The following SLC35A5 variants were observed in gnomAD, a reference collection of about 807,000 sequenced individuals.
SLC35A5 encodes the protein UDP-sugar transporter protein SLC35A5.
SLC35A5 carries 28 observed loss-of-function variants against 36.3 expected under a neutral mutation model. That is an observed-to-expected ratio of 0.77 (90% CI 0.57 to 1.06). The LOEUF (loss-of-function observed/expected upper bound fraction) is 1.06, where lower values mean the gene tolerates loss of function less well. Among genes scored for constraint, SLC35A5 ranks in the 50% least tolerant of loss-of-function variants. The pLI, the probability that SLC35A5 is intolerant of heterozygous loss-of-function variation, is 0.00. For synonymous variants in SLC35A5, 180 were observed against 173.7 expected, an observed-to-expected ratio of 1.04 and a Z score of -0.29; for missense variants, 521 against 499.3, an observed-to-expected ratio of 1.04 and a Z score of -0.41.
Position 112,563,424 on chromosome 3 carries a change from T to G in SLC35A5, c.21T>G (p.Ser7Arg). 6.3e-7 allele frequency: 1 copy of G among 1,575,742 alleles called. No individual in the cohort carries two copies. Among genetic ancestry groups the G allele is most frequent in the Non-Finnish European group, 8.7e-7 (1 of 1,151,776 alleles). ...GTGGAATGGAAAAACAGTGCTGTAG[T>G]CATCCTGTAATATGCTCCTTGTCAA... Reference protein sequence around the residue: MEKQCCSHPVICSLSTM... With the variant: MEKQCCRHPVICSLSTM... Residue 7 changes from serine to arginine, a missense_variant, in exon 2 of 7, where the codon AGT (serine) becomes AGG (arginine). Coordinates refer to ENST00000492406, the MANE Select transcript of SLC35A5 (RefSeq NM_017945.5).
intron 5 of SLC35A5, among the ~76,000 whole-genome samples, chr3:112,577,139 A>G (rs1341571314): frequency 6.6e-6 from 1 of 152,016 alleles, no homozygotes; most frequent in Non-Finnish European, 1.5e-5. Context: ...ATATGAGGCT[A>G]CAAAAGCAGG....
At chr3:112,571,276 G>C (rs150986166) in intron 4 of SLC35A5, among the ~76,000 whole-genome samples, 1 of 152,256 alleles carries the variant, frequency 6.6e-6, no homozygotes, top group East Asian at 1.9e-4. Context: ...TTAGTAATCC[G>C]AGCTGGAGTT....
In SLC35A5 at chr3:112,580,885, A is replaced by G. The variant is rs2292442; in HGVS notation, c.768A>G (p.Glu256=). The G allele has an allele frequency of 0.059, 95,686 of 1,614,004 alleles. 10,747 individuals are homozygous for G. The highest frequency in any genetic ancestry group is 0.46 in the African/African-American group (34,486 of 74,956). The change falls in exon 6 of 7, where the codon GAA becomes GAG. Residue 256 remains glutamate, a synonymous_variant. Coordinates refer to ENST00000492406, the MANE Select transcript of SLC35A5 (RefSeq NM_017945.5). ...ANIYNEKILK[E]GNQLTESIFI... ...TCTATAATGAAAAGATACTGAAGGA[A>G]GGGAACCAGCTCACTGAAAGCATCT...
chr3:112,568,354 G>A (rs538707388), intron 2 of SLC35A5, among the ~76,000 whole-genome samples: 1 of 152,338 alleles, frequency 6.6e-6, no homozygotes, highest in South Asian at 2.1e-4. Flanking sequence ...CAAAAGTGGG[G>A]AAAATGCATT....
Position 112,563,442 on chromosome 3 carries a change from C to G in SLC35A5, c.39C>G (p.Ser13=), listed in dbSNP as rs377335674. ...KQCCSHPVIC[S]LSTMYTFLLG... ...GCTGTAGTCATCCTGTAATATGCTC[C>G]TTGTCAACAATGTATACATTCCTGC... The change falls in exon 2 of 7, where the codon TCC becomes TCG. Residue 13 remains serine, a synonymous_variant. Transcript: ENST00000492406. 3 of 1,592,472 alleles carry G rather than the reference C, an allele frequency of 1.9e-6. No individual in the cohort carries two copies. The African/African-American group carries it at 4.0e-5, about 21-fold the overall frequency.
At chr3:112,573,763 G>C in intron 4 of SLC35A5, 126 bp from the exon 5 acceptor site, 1 of 693,332 alleles carries the variant, frequency 1.4e-6, no homozygotes, top group Non-Finnish European at 2.6e-6. Context: ...AGTTGAAATT[G>C]CTACCTTAAT....
upstream of SLC35A5, chr3:112,561,745 C>A: frequency 1.8e-6 from 1 of 549,900 alleles, no homozygotes; most frequent in East Asian, 3.4e-5. Context: ...TCCTCGCACC[C>A]CAGGCAGCCC....
intron 4 of SLC35A5, among the ~76,000 whole-genome samples, chr3:112,573,591 G>C (rs728568): frequency 0.16 from 24,425 of 152,218 alleles, 4,620 homozygotes; most frequent in African/African-American, 0.45. Context: ...TGAAAAGTAG[G>C]CTTCATAAGC....
At chr3:112,572,318 AAATAAT>A (rs751918634) in intron 4 of SLC35A5, among the ~76,000 whole-genome samples, 4 of 151,498 alleles carry the variant, frequency 2.6e-5, no homozygotes, top group East Asian at 1.9e-4. Context: ...TCTATGAAAT[AAATAAT>A]AATAATAATA....
intron 3 of SLC35A5, among the ~76,000 whole-genome samples, chr3:112,569,730 A>G (rs1416799809): frequency 1.3e-5 from 2 of 152,226 alleles, no homozygotes; most frequent in Admixed American, 1.3e-4. Flanking sequence ...ACATAGGGAT[A>G]CTAATTCCTT....
intron 5 of SLC35A5, among the ~76,000 whole-genome samples, chr3:112,579,277 G>C (rs1934794785): frequency 6.6e-6 from 1 of 152,118 alleles, no homozygotes; most frequent in African/African-American, 2.4e-5. Context: ...TAGGTTAACT[G>C]TTTCCTCCCT....
rs774176559 is a variant in SLC35A5, at chr3:112,573,943, A to G, written c.415A>G (p.Arg139Gly). The G allele has an allele frequency of 3.1e-6, 5 of 1,612,846 alleles. No homozygotes were observed. The Admixed American group carries it at 8.3e-5, about 27-fold the overall frequency. Residue 139 changes from arginine (R) to glycine (G), a missense_variant, in exon 5 of 7, where the codon AGG becomes GGG. Coordinates refer to ENST00000492406, the MANE Select transcript of SLC35A5 (RefSeq NM_017945.5). ...CATTATAACAACAGCTCTTCTATTC[A>G]GGATAGTGCTGAAGTAAGTAACTTG... ...FSIITTALLF[R>G]IVLKRRLNWI...
chr3:112,567,032 C>T (rs1410512594), intron 2 of SLC35A5, among the ~76,000 whole-genome samples: 3 of 151,960 alleles, frequency 2.0e-5, no homozygotes, highest in African/African-American at 7.2e-5. Context: ...CAAGACCATC[C>T]TGGCTAACAC....
rs1039147422 is a variant in SLC35A5, at chr3:112,585,024, G to C, written c.*2288G>C. ...GACACAGGATTCCAAAGTGAGAAGG[G>C]TGGTGTATTAGTCCATTCTCATGCT... On this transcript the variant is annotated 3_prime_UTR_variant, in exon 7 of 7. Coordinates refer to ENST00000492406, the MANE Select transcript of SLC35A5 (RefSeq NM_017945.5). 1.3e-5 allele frequency: 2 copies of C among 152,146 alleles called. No individual in the cohort carries two copies. Among genetic ancestry groups the C allele is most frequent in the Non-Finnish European group, 2.9e-5 (2 of 68,032 alleles). The allele number at this position is 152,146 out of a possible 1,614,324, so 9.4% of individuals were successfully genotyped here. A position where few individuals can be genotyped will look rare whatever the true frequency, so the allele number is the denominator to read the frequency against.
chr3:112,567,947 A>G (rs1559856838), intron 2 of SLC35A5, among the ~76,000 whole-genome samples: 1 of 152,242 alleles, frequency 6.6e-6, no homozygotes, highest in Non-Finnish European at 1.5e-5. Flanking sequence ...AGTTAAGTCT[A>G]GCATTTAACT....
At chr3:112,567,450 G>C (rs1462619518) in intron 2 of SLC35A5, among the ~76,000 whole-genome samples, 1 of 151,940 alleles carries the variant, frequency 6.6e-6, no homozygotes, top group Non-Finnish European at 1.5e-5. Context: ...GTGCCACCAT[G>C]CTCAGCTATT....
chr3:112,572,507 A>G (rs1934492507), intron 4 of SLC35A5, among the ~76,000 whole-genome samples: 1 of 152,064 alleles, frequency 6.6e-6, no homozygotes, highest in Non-Finnish European at 1.5e-5. Context: ...AATTCAATAC[A>G]TTTTATTGTA....
At chr3:112,579,324 A>G (rs1045194095) in intron 5 of SLC35A5, among the ~76,000 whole-genome samples, 9 of 152,044 alleles carry the variant, frequency 5.9e-5, no homozygotes, top group African/African-American at 1.4e-4. Context: ...TAGGTGCTCA[A>G]TAAATGCTCC....
intron 2 of SLC35A5, among the ~76,000 whole-genome samples, chr3:112,568,168 A>G (rs1273543792): frequency 6.6e-6 from 1 of 152,256 alleles, no homozygotes; most frequent in Non-Finnish European, 1.5e-5. Flanking sequence ...GTTTAGAGGT[A>G]GTGCTATAAG....
Sources: gnomAD v4.1 joint callset for allele counts (sites outside exome capture counted in the v4.1 genomes callset) on GRCh38, gnomAD v4.1.1 for gene constraint, MANE v1.5 for transcripts, NCBI Gene and HGNC (gene_info 2026-07-23, HGNC 2026-07-21) for gene names.